TPD52L1: variants seen among roughly 807,000 people sequenced by gnomAD.
TPD52L1 encodes the protein tumor protein D53.
In TPD52L1, 18 loss-of-function variants were observed where a neutral mutation model predicts 28.7. The ratio of observed to expected loss-of-function variants is 0.63; its 90% CI spans 0.43 to 0.93. The LOEUF (loss-of-function observed/expected upper bound fraction) is 0.93. Ranked by LOEUF, TPD52L1 falls within the 40% of genes least tolerant of loss-of-function variation. The pLI is 0.00. For synonymous variants in TPD52L1, 75 were observed against 88.8 expected (o/e 0.84, Z 0.88); for missense variants, 203 against 254.8 (o/e 0.80, Z 1.39).
At chr6:125,253,972 A>G (rs1435269908) in intron 5 of TPD52L1, 3 of 742,696 alleles carry the variant, frequency 4.0e-6, no homozygotes, top group Admixed American at 1.7e-5. Context: ...GTGATCCAAG[A>G]CAAGTGACTT....
chr6:125,229,094 C>T (rs767236278), intron 2 of TPD52L1, 24 bp from the exon 3 acceptor site: 2 of 1,604,336 alleles, frequency 1.2e-6, no homozygotes, highest in South Asian at 1.1e-5. Flanking sequence ...CATTTTCCCC[C>T]ACCATTTCCC....
chr6:125,183,491 A>T (rs1025325171), intron 1 of TPD52L1, among the ~76,000 whole-genome samples: 7 of 152,210 alleles, frequency 4.6e-5, no homozygotes, highest in Non-Finnish European at 1.0e-4. Context: ...AAAAGAAAAA[A>T]GAAAAGAAAT....
At chr6:125,238,758 A>T (rs1562355162) in intron 3 of TPD52L1, among the ~76,000 whole-genome samples, 1 of 152,248 alleles carries the variant, frequency 6.6e-6, no homozygotes, top group Non-Finnish European at 1.5e-5. Flanking sequence ...TAAAAGCAAG[A>T]TTTAAATGTA....
intron 1 of TPD52L1, chr6:125,219,825 C>G (rs959591741): frequency 4.3e-6 from 2 of 461,270 alleles, no homozygotes; most frequent in Non-Finnish European, 8.0e-6. Context: ...TGTAGACCTC[C>G]CTGAAAGCTT....
intron 6 of TPD52L1, chr6:125,262,629 A>C (rs1159438420): frequency 5.1e-6 from 3 of 591,156 alleles, no homozygotes; most frequent in Non-Finnish European, 8.3e-6. Flanking sequence ...TGCAAAATTA[A>C]AGTTTGGAAT....
Position 125,195,452 on chromosome 6 carries a change from G to A in TPD52L1, c.20-24626G>A, listed in dbSNP as rs1051780437. ...CATTGTGGACCGCTAAGTCCTTTGAGAGTAAGAAGCATGTCTTCTGCATTT... is the reference window on the plus strand; with the variant it reads ...CATTGTGGACCGCTAAGTCCTTTGAAAGTAAGAAGCATGTCTTCTGCATTT... On this transcript the variant is annotated intron_variant, in intron 1 of 6. Coordinates refer to ENST00000534000, the MANE Select transcript of TPD52L1 (RefSeq NM_003287.4). 3.9e-5 allele frequency among the ~76,000 whole-genome samples: 6 copies of A among 152,326 alleles called. No homozygotes were observed. In the South Asian group the frequency reaches 1.2e-3, roughly 32 times the overall value.
intron 2 of TPD52L1, among the ~76,000 whole-genome samples, chr6:125,228,678 AAAAT>A (rs1195275830): frequency 1.7e-4 from 26 of 152,154 alleles, no homozygotes; most frequent in African/African-American, 6.0e-4. Context: ...CTGTCTCTTT[AAAAT>A]AAATAAATAA....
At chr6:125,228,082 A>C (rs1478022248) in intron 2 of TPD52L1, among the ~76,000 whole-genome samples, 1 of 152,224 alleles carries the variant, frequency 6.6e-6, no homozygotes, top group Admixed American at 6.5e-5. Flanking sequence ...AATATAAAAT[A>C]ACTATCTGCA....
intron 1 of TPD52L1, among the ~76,000 whole-genome samples, chr6:125,172,170 TTTC>T (rs1791435912): frequency 2.7e-5 from 3 of 110,260 alleles, no homozygotes; most frequent in Non-Finnish European, 3.9e-5. Flanking sequence ...TCTTTCTTTC[TTTC>T]TTTCTTTCTT....
intron 6 of TPD52L1, 29 bp downstream of exon 6, chr6:125,257,187 G>A: frequency 6.3e-7 from 1 of 1,593,160 alleles, no homozygotes; most frequent in Non-Finnish European, 8.6e-7. Flanking sequence ...CTGTGTGAGT[G>A]GGTCCATTGA....
intron 1 of TPD52L1, among the ~76,000 whole-genome samples, chr6:125,217,814 T>A (rs930482475): frequency 2.6e-5 from 4 of 152,228 alleles, no homozygotes; most frequent in African/African-American, 7.2e-5. Flanking sequence ...TAGTTTTGTG[T>A]GCTTTTGTAC....
chr6:125,245,256 G>A (rs1796858931), intron 3 of TPD52L1, among the ~76,000 whole-genome samples: 1 of 152,184 alleles, frequency 6.6e-6, no homozygotes. Context: ...GGATGTTACA[G>A]GCAGCAGTAT....
chr6:125,227,684 T>G (rs566380694), intron 2 of TPD52L1, among the ~76,000 whole-genome samples: 13 of 152,324 alleles, frequency 8.5e-5, no homozygotes, highest in South Asian at 4.1e-4. Flanking sequence ...AAGATGTAAA[T>G]GTAAGCACTG....
At chr6:125,203,542 T>G in intron 1 of TPD52L1, 1 of 722,350 alleles carries the variant, frequency 1.4e-6, no homozygotes, top group East Asian at 1.3e-4. Context: ...AGGATATTTG[T>G]GACACATATT....
chr6:125,155,524 A>C (rs535495521), intron 1 of TPD52L1, among the ~76,000 whole-genome samples: 2 of 152,374 alleles, frequency 1.3e-5, no homozygotes, highest in Non-Finnish European at 2.9e-5. Flanking sequence ...AGATTTACTT[A>C]ACAAATATTT....
At chr6:125,220,773 G>A (rs1351739776) in intron 2 of TPD52L1, among the ~76,000 whole-genome samples, 1 of 152,168 alleles carries the variant, frequency 6.6e-6, no homozygotes, top group Non-Finnish European at 1.5e-5. Context: ...GGAGGAGGAG[G>A]ATGTCAGGCT....
chr6:125,254,005 T>G (rs1472556662), intron 5 of TPD52L1: 2 of 680,902 alleles, frequency 2.9e-6, no homozygotes, highest in Non-Finnish European at 2.7e-6. Flanking sequence ...TTTATCCATA[T>G]ATTGCAAGAA....
chr6:125,231,627 GTTGTTGT>G (rs770452073), intron 3 of TPD52L1, among the ~76,000 whole-genome samples: 1,520 of 149,618 alleles, frequency 0.01, 26 homozygotes, highest in African/African-American at 0.036. Flanking sequence ...TGTTGTTGTT[GTTGTTGT>G]TTGTTTGTTT....
intron 2 of TPD52L1, among the ~76,000 whole-genome samples, chr6:125,223,240 A>T (rs1795373928): frequency 6.6e-6 from 1 of 152,010 alleles, no homozygotes; most frequent in Admixed American, 6.6e-5. Context: ...TAATATTCCC[A>T]TGAGGTTGCC....
Sources: allele counts gnomAD v4.1 joint callset (sites outside exome capture counted in the v4.1 genomes callset), GRCh38; gene constraint gnomAD v4.1.1; transcripts MANE v1.5; gene names NCBI Gene and HGNC (gene_info 2026-07-23, HGNC 2026-07-21).